The following PEX14 variants were observed in gnomAD, a reference collection of about 807,000 sequenced individuals.
PEX14 encodes peroxisomal biogenesis factor 14, also known as peroxisomal membrane protein PEX14.
PEX14 carries 15 observed loss-of-function variants against 49.5 expected under a neutral mutation model. That is an observed-to-expected ratio of 0.30 (90% CI 0.20 to 0.47). The LOEUF is 0.47. Ranked by LOEUF, PEX14 falls within the 20% of genes least tolerant of loss-of-function variation. The probability of loss-of-function intolerance (pLI) is 1.00; values close to 1 mark genes in which losing one functional copy is unlikely to be tolerated. For synonymous variants in PEX14, 210 were observed against 212.7 expected (o/e 0.99, Z 0.11); for missense variants, 398 against 494.8 (o/e 0.80, Z 1.86).
Position 10,629,451 on chromosome 1 carries a change from C to T in PEX14, c.678-80C>T, listed in dbSNP as rs1466155512. ...GCAGCTCACCATCGCCGAGCCCTTG[C>T]GGGTCAGGGAAGGCGTGGCCCTTCG... On this transcript the variant is annotated intron_variant, in intron 8 of 8. Coordinates refer to ENST00000356607, the MANE Select transcript of PEX14 (RefSeq NM_004565.3). The surrounding 1 kb of genome is among the most constrained non-coding windows in gnomAD (Gnocchi z 8.5). The T allele has an allele frequency of 1.0e-5, 10 of 963,062 alleles. No individual in the cohort carries two copies. The highest frequency in any genetic ancestry group is 2.4e-5 in the East Asian group (1 of 42,020). The allele number at this position is 963,062 out of a possible 1,614,324, so 59.7% of individuals were successfully genotyped here.
At chr1:10,586,887 G>A (rs953870949) in intron 3 of PEX14, among the ~76,000 whole-genome samples, 4 of 151,806 alleles carry the variant, frequency 2.6e-5, no homozygotes, top group African/African-American at 4.8e-5. Flanking sequence ...ATGATCCACC[G>A]CCTCGGCCTC....
At chr1:10,550,618 C>G (rs1257694130) in intron 3 of PEX14, among the ~76,000 whole-genome samples, 3 of 152,194 alleles carry the variant, frequency 2.0e-5, no homozygotes, top group Admixed American at 1.3e-4. Context: ...GTGTATTTTG[C>G]TTTACAGCTT....
Position 10,495,221 on chromosome 1 carries a change from A to T in PEX14, c.37-53A>T. The T allele has an allele frequency of 6.3e-7, 1 of 1,587,972 alleles. No homozygotes were observed. Among genetic ancestry groups the T allele is most frequent in the Non-Finnish European group, 8.6e-7 (1 of 1,156,462 alleles). On this transcript the variant is annotated intron_variant, in intron 1 of 8. Coordinates refer to ENST00000356607, the MANE Select transcript of PEX14 (RefSeq NM_004565.3). This position sits in a 1 kb window ranked among gnomAD's most constrained non-coding sequence, Gnocchi z 4.2. ...AGAACGGAACATCTTTGGTTTTTTGATGTCCATTGGGTGGCACTGTGATCT... is the reference window on the plus strand; with the variant it reads ...AGAACGGAACATCTTTGGTTTTTTGTTGTCCATTGGGTGGCACTGTGATCT...
intron 1 of PEX14, among the ~76,000 whole-genome samples, chr1:10,476,909 T>A (rs1035151302): frequency 6.6e-6 from 1 of 152,082 alleles, no homozygotes; most frequent in Non-Finnish European, 1.5e-5. Context: ...GTTTGCCCTC[T>A]CTGTATATGT....
rs1441682170 is a variant in PEX14 at position 10,519,460 on chromosome 1, T to C, written c.85-16753T>C. On this transcript the variant is annotated intron_variant, in intron 2 of 8. Transcript: ENST00000356607. ...GAAAAGACTCGGACTTTCAGGGTTG[T>C]GATCCGGAATACCACCGCCTGTCTC... 2.6e-5 allele frequency among the ~76,000 whole-genome samples: 4 copies of C among 152,190 alleles called. No individual in the cohort carries two copies. In the East Asian group the frequency reaches 7.7e-4, roughly 29 times the overall value.
chr1:10,477,849 C>G (rs6679456), intron 1 of PEX14, among the ~76,000 whole-genome samples: 7,097 of 152,206 alleles, frequency 0.047, 415 homozygotes, highest in African/African-American at 0.12. Context: ...ATACTAGGAC[C>G]TATCTCACAG....
At chr1:10,627,562 G>A (rs529249271) in intron 8 of PEX14, among the ~76,000 whole-genome samples, 199 bp downstream of exon 8, 4 of 152,214 alleles carry the variant, frequency 2.6e-5, no homozygotes, top group South Asian at 2.1e-4. Context: ...CAGAGGTGAC[G>A]GTCTGTGGCA....
At chr1:10,499,648 C>G (rs1399933297) in intron 2 of PEX14, among the ~76,000 whole-genome samples, 2 of 151,958 alleles carry the variant, frequency 1.3e-5, no homozygotes, top group Non-Finnish European at 2.9e-5. Context: ...AGGGTTTCAC[C>G]ATGTTGGCCA....
At chr1:10,545,648 G>C (rs1639146280) in intron 3 of PEX14, among the ~76,000 whole-genome samples, 1 of 152,218 alleles carries the variant, frequency 6.6e-6, no homozygotes, top group South Asian at 2.1e-4. Flanking sequence ...CTCTTTAGCT[G>C]TGTGGTCCTG....
At chr1:10,491,992 T>G (rs1333381737) in intron 1 of PEX14, among the ~76,000 whole-genome samples, 1 of 152,172 alleles carries the variant, frequency 6.6e-6, no homozygotes, top group Non-Finnish European at 1.5e-5. Flanking sequence ...CGGCCATGCT[T>G]CTTATATGCT....
At chr1:10,543,693 A>G (rs1027973841) in intron 3 of PEX14, among the ~76,000 whole-genome samples, 1 of 151,638 alleles carries the variant, frequency 6.6e-6, no homozygotes, top group African/African-American at 2.4e-5. Context: ...TGAAGCCTTG[A>G]ACTTCTGGGC....
At chr1:10,601,262 CAAAAAAA>C (rs58910333) in intron 4 of PEX14, among the ~76,000 whole-genome samples, 1 of 57,032 alleles carries the variant, frequency 1.8e-5, no homozygotes, top group Non-Finnish European at 3.9e-5. Context: ...GACTCTGTCT[CAAAAAAA>C]AAAAAAAAAA....
intron 3 of PEX14, among the ~76,000 whole-genome samples, chr1:10,598,453 CT>C (rs1162926915): frequency 2.0e-5 from 3 of 152,148 alleles, no homozygotes; most frequent in African/African-American, 7.2e-5. Flanking sequence ...TTTCATTTGC[CT>C]TTTATTCTTC....
chr1:10,582,647 G>A (rs1019162867), intron 3 of PEX14, among the ~76,000 whole-genome samples: 34 of 152,182 alleles, frequency 2.2e-4, no homozygotes, highest in Admixed American at 1.7e-3. Context: ...TCTCTCCAGA[G>A]TATAAGGCAT....
chr1:10,584,155 T>C (rs1640413233), intron 3 of PEX14, among the ~76,000 whole-genome samples: 1 of 152,188 alleles, frequency 6.6e-6, no homozygotes, highest in Non-Finnish European at 1.5e-5. Flanking sequence ...GCCTGATTTG[T>C]GGGATCTGGA....
chr1:10,591,313 GTTAGA>G (rs200902966), intron 3 of PEX14, among the ~76,000 whole-genome samples: 2,898 of 152,218 alleles, frequency 0.019, 92 homozygotes, highest in African/African-American at 0.062. Context: ...TAAGCAAGAA[GTTAGA>G]AATTGTGGGT....
intron 1 of PEX14, among the ~76,000 whole-genome samples, chr1:10,481,796 T>C (rs1358317177): frequency 6.6e-6 from 1 of 151,580 alleles, no homozygotes; most frequent in Non-Finnish European, 1.5e-5. Flanking sequence ...TGAATGTGTT[T>C]GGCCATTTAT....
intron 2 of PEX14, among the ~76,000 whole-genome samples, chr1:10,526,066 T>C (rs1638468648): frequency 1.3e-5 from 2 of 150,742 alleles, no homozygotes; most frequent in Non-Finnish European, 3.0e-5. Context: ...GGACTATAGG[T>C]GCGTGCTGCC....
intron 2 of PEX14, among the ~76,000 whole-genome samples, chr1:10,513,859 C>A (rs1380875798): frequency 3.3e-5 from 5 of 151,886 alleles, no homozygotes; most frequent in Admixed American, 3.3e-4. Flanking sequence ...TTGACTGTTA[C>A]AGAAAAGATC....
Sources: allele counts gnomAD v4.1 joint callset (sites outside exome capture counted in the v4.1 genomes callset), GRCh38; gene constraint gnomAD v4.1.1; non-coding constraint Gnocchi (gnomAD v3.1); transcripts MANE v1.5; gene names NCBI Gene and HGNC (gene_info 2026-07-23, HGNC 2026-07-21).